CHSY3: variants seen among roughly 807,000 people sequenced by gnomAD.
CHSY3 encodes the protein chondroitin sulfate synthase 3.
A neutral mutation model predicts 67.2 loss-of-function variants in CHSY3; 35 were observed. The ratio of observed to expected loss-of-function variants is 0.52; its 90% CI spans 0.40 to 0.69. The LOEUF is 0.69. Among genes scored for constraint, CHSY3 ranks in the 30% least tolerant of loss-of-function variants. CHSY3 has a pLI of 0.00. For synonymous variants in CHSY3, 474 were observed against 434.7 expected, an observed-to-expected ratio of 1.09 and a Z score of -1.12; for missense variants, 1,069 against 1,138.5, an observed-to-expected ratio of 0.94 and a Z score of 0.88.
At chr5:130,124,354 GTAGT>G (rs57913790) in intron 2 of CHSY3, among the ~76,000 whole-genome samples, 8,101 of 151,960 alleles carry the variant, frequency 0.053, 592 homozygotes, top group African/African-American at 0.15. Flanking sequence ...TGAATCAACA[GTAGT>G]TATTTTCATA....
At chr5:129,962,335 C>T (rs1344322462) in intron 2 of CHSY3, among the ~76,000 whole-genome samples, 1 of 151,890 alleles carries the variant, frequency 6.6e-6, no homozygotes, top group Non-Finnish European at 1.5e-5. Context: ...AATCTGTCCC[C>T]AAGTCTTGTT....
At chr5:130,053,815 G>A (rs1349687380) in intron 2 of CHSY3, among the ~76,000 whole-genome samples, 3 of 152,110 alleles carry the variant, frequency 2.0e-5, no homozygotes, top group African/African-American at 7.2e-5. Context: ...ATGTTTAGAT[G>A]AGCTCACTTT....
intron 2 of CHSY3, among the ~76,000 whole-genome samples, chr5:129,944,801 A>G (rs546460934): frequency 6.6e-6 from 1 of 152,350 alleles, no homozygotes; most frequent in South Asian, 2.1e-4. Context: ...AAAGTAATGC[A>G]TGCTTCTTAT....
At chr5:130,144,820 TG>T (rs1295745262) in intron 2 of CHSY3, among the ~76,000 whole-genome samples, 1 of 152,124 alleles carries the variant, frequency 6.6e-6, no homozygotes, top group Non-Finnish European at 1.5e-5. Flanking sequence ...AAGAAATATC[TG>T]AGATGGGGTA....
chr5:129,920,295 G>A (rs1318006945), intron 2 of CHSY3, among the ~76,000 whole-genome samples: 1 of 152,168 alleles, frequency 6.6e-6, no homozygotes, highest in Admixed American at 6.5e-5. Flanking sequence ...CGAGGCTGTA[G>A]TGCACTGGTG....
intron 2 of CHSY3, among the ~76,000 whole-genome samples, chr5:130,001,121 C>A: frequency 6.6e-6 from 1 of 151,310 alleles, no homozygotes; most frequent in Non-Finnish European, 1.5e-5. Flanking sequence ...ACCTCCTGAT[C>A]TGCCCGCCTC....
chr5:129,975,378 CTT>C (rs1240241456), intron 2 of CHSY3, among the ~76,000 whole-genome samples: 2 of 152,002 alleles, frequency 1.3e-5, no homozygotes, highest in Non-Finnish European at 2.9e-5. Context: ...TACAAAATGA[CTT>C]ATCGTTGACT....
chr5:129,998,248 C>T (rs575868301), intron 2 of CHSY3, among the ~76,000 whole-genome samples: 13 of 152,208 alleles, frequency 8.5e-5, no homozygotes. Context: ...CTGTTAATAA[C>T]ACTTCGGTTA....
At chr5:130,172,202 A>G (rs748950003) in intron 2 of CHSY3, among the ~76,000 whole-genome samples, 25 of 152,180 alleles carry the variant, frequency 1.6e-4, no homozygotes, top group Non-Finnish European at 8.8e-5. Context: ...ATAACGAAGT[A>G]TATTAATTGG....
intron 2 of CHSY3, among the ~76,000 whole-genome samples, chr5:129,910,505 T>C (rs1760499613): frequency 6.6e-6 from 1 of 152,080 alleles, no homozygotes; most frequent in East Asian, 1.9e-4. Context: ...GATTTAATTC[T>C]AATAAAAAAT....
At chr5:130,098,221 C>A (rs1400628976) in intron 2 of CHSY3, among the ~76,000 whole-genome samples, 2 of 152,108 alleles carry the variant, frequency 1.3e-5, no homozygotes, top group South Asian at 4.1e-4. Context: ...CCTGCCTTAC[C>A]CCCTCCTTAA....
At chr5:129,931,707 T>G (rs1297279753) in intron 2 of CHSY3, among the ~76,000 whole-genome samples, 3 of 152,180 alleles carry the variant, frequency 2.0e-5, no homozygotes, top group African/African-American at 7.2e-5. Context: ...AAGTGTTGGC[T>G]TTTGTTCTCA....
At chr5:130,064,230 A>G (rs958723984) in intron 2 of CHSY3, among the ~76,000 whole-genome samples, 4 of 152,058 alleles carry the variant, frequency 2.6e-5, no homozygotes, top group Non-Finnish European at 5.9e-5. Flanking sequence ...ATTATTAGTG[A>G]TTATTTTAGG....
At chr5:129,998,547 C>T (rs1252641931) in intron 2 of CHSY3, among the ~76,000 whole-genome samples, 1 of 152,066 alleles carries the variant, frequency 6.6e-6, no homozygotes, top group African/African-American at 2.4e-5. Context: ...AGTGAAAATA[C>T]ATCTTGCCAA....
chr5:130,035,326 C>CA (rs1336478966), intron 2 of CHSY3, among the ~76,000 whole-genome samples: 2 of 151,086 alleles, frequency 1.3e-5, no homozygotes, highest in Non-Finnish European at 3.0e-5. Flanking sequence ...AGTAGAAATG[C>CA]AAAAAAAGAG....
At position 130,077,590 on chromosome 5, in the gene CHSY3, A is replaced by G. The variant is rs554532784; in HGVS notation, c.1087-106639A>G. Reference sequence around the variant, plus strand: ...TTATTTCAGCAAGCTAACGAGGAAGAAGAGTTTGAAAGTTATTTCTCAATG... The same window carrying G: ...TTATTTCAGCAAGCTAACGAGGAAGGAGAGTTTGAAAGTTATTTCTCAATG... On this transcript the variant is annotated intron_variant, in intron 2 of 2. Coordinates refer to ENST00000305031, the MANE Select transcript of CHSY3 (RefSeq NM_175856.5). 3.9e-5 allele frequency among the ~76,000 whole-genome samples: 6 copies of G among 152,256 alleles called. No individual in the cohort carries two copies. The East Asian group carries it at 1.2e-3, about 29-fold the overall frequency.
chr5:129,970,582 AT>A (rs1762613004), intron 2 of CHSY3, among the ~76,000 whole-genome samples: 1 of 151,906 alleles, frequency 6.6e-6, no homozygotes, highest in African/African-American at 2.4e-5. Flanking sequence ...TATCTAAAGC[AT>A]TTGAATGGAA....
intron 2 of CHSY3, among the ~76,000 whole-genome samples, chr5:130,109,845 T>C (rs1470306003): frequency 6.6e-6 from 1 of 151,876 alleles, no homozygotes; most frequent in South Asian, 2.1e-4. Flanking sequence ...TCTCATGTAG[T>C]CTTCACTGTC....
intron 2 of CHSY3, among the ~76,000 whole-genome samples, chr5:129,960,556 C>T (rs570642494): frequency 5.3e-4 from 80 of 151,842 alleles, no homozygotes; most frequent in African/African-American, 1.8e-3. Context: ...CGTGAGAAAA[C>T]GGAAATTACA....
Sources: gnomAD v4.1 joint callset for allele counts (sites outside exome capture counted in the v4.1 genomes callset) on GRCh38, gnomAD v4.1.1 for gene constraint, MANE v1.5 for transcripts, NCBI Gene and HGNC (gene_info 2026-07-23, HGNC 2026-07-21) for gene names.